NRXN1: variants seen among roughly 807,000 people sequenced by gnomAD.
NRXN1 encodes the protein neurexin 1.
In NRXN1, 39 loss-of-function variants were observed where a neutral mutation model predicts 150.9. The ratio of observed to expected loss-of-function variants is 0.26; its 90% CI spans 0.20 to 0.34. The LOEUF (loss-of-function observed/expected upper bound fraction) is 0.34. Among genes scored for constraint, NRXN1 ranks in the 10% least tolerant of loss-of-function variants. The pLI is 1.00. For missense variants in NRXN1, 1,815 were observed against 1,949.9 expected (o/e 0.93, Z 1.30); for synonymous variants, 924 against 757.0 (o/e 1.22, Z -3.62).
chr2:50,408,826 A>C (rs906835229), intron 17 of NRXN1, among the ~76,000 whole-genome samples: 1 of 117,406 alleles, frequency 8.5e-6, no homozygotes, highest in African/African-American at 2.8e-5. Flanking sequence ...GAGTTGGGTG[A>C]ATCAATCTCA....
intron 3 of NRXN1, among the ~76,000 whole-genome samples, chr2:50,923,066 T>C (rs1019585888): frequency 1.3e-5 from 2 of 151,870 alleles, no homozygotes; most frequent in Admixed American, 6.6e-5. Flanking sequence ...GTGATGAAAT[T>C]ACATTTTTTT....
In NRXN1 at chr2:50,365,096, C is replaced by G. The variant is rs920606622; in HGVS notation, c.3364+100346G>C. Among the ~76,000 whole-genome samples, 36 of 152,006 alleles carry G rather than the reference C, an allele frequency of 2.4e-4. 1 individual carries two copies. Among genetic ancestry groups the G allele is most frequent in the Admixed American group, 1.8e-3 (28 of 15,232 alleles). ...TTAGCTTAACAGGGAAGAATTTGAACTGATACATGAAGCTTTTTTTTTCTT... is the reference window on the plus strand; with the variant it reads ...TTAGCTTAACAGGGAAGAATTTGAAGTGATACATGAAGCTTTTTTTTTCTT... On this transcript the variant is annotated intron_variant, in intron 17 of 22. Transcript: ENST00000401669.
At chr2:50,535,564 A>G (rs2093234697) in intron 10 of NRXN1, among the ~76,000 whole-genome samples, 1 of 152,238 alleles carries the variant, frequency 6.6e-6, no homozygotes, top group African/African-American at 2.4e-5. Context: ...ATTCTTACAT[A>G]TAACAGAATA....
chr2:50,750,080 T>G (rs1338288494), intron 5 of NRXN1, among the ~76,000 whole-genome samples: 4 of 152,034 alleles, frequency 2.6e-5, no homozygotes, highest in African/African-American at 9.7e-5. Flanking sequence ...GACATTGGGA[T>G]GGGAGATCTT....
intron 18 of NRXN1, among the ~76,000 whole-genome samples, chr2:50,228,906 G>A (rs967097407): frequency 1.3e-5 from 2 of 151,966 alleles, no homozygotes. Context: ...TTTCCAGTTT[G>A]TTTTGAGGAG....
At chr2:50,539,478 A>G (rs977403899) in intron 9 of NRXN1, among the ~76,000 whole-genome samples, 9 of 152,198 alleles carry the variant, frequency 5.9e-5, no homozygotes, top group Admixed American at 5.9e-4. Context: ...GTATTCATCT[A>G]CATGGGATCA....
intron 5 of NRXN1, among the ~76,000 whole-genome samples, chr2:50,823,077 A>G (rs1669961618): frequency 6.6e-6 from 1 of 152,204 alleles, no homozygotes; most frequent in African/African-American, 2.4e-5. Context: ...AGACCTGGGC[A>G]CCATTACGAT....
intron 10 of NRXN1, among the ~76,000 whole-genome samples, 164 bp downstream of exon 10, chr2:50,538,089 A>C (rs893490206): frequency 2.0e-5 from 3 of 152,202 alleles, no homozygotes; most frequent in African/African-American, 7.2e-5. Context: ...GAAAAACATT[A>C]AGAGCTCATT....
intron 17 of NRXN1, among the ~76,000 whole-genome samples, chr2:50,308,889 TTGTG>T (rs1208912456): frequency 6.6e-6 from 1 of 152,170 alleles, no homozygotes; most frequent in African/African-American, 2.4e-5. Flanking sequence ...TATCCTAGTC[TTGTG>T]TTCCTCAGCT....
intron 5 of NRXN1, among the ~76,000 whole-genome samples, chr2:50,822,090 C>A (rs1054904618): frequency 6.6e-6 from 1 of 151,998 alleles, no homozygotes. Context: ...CTAATTACTA[C>A]CTATGATTTC....
chr2:50,438,030 T>G (rs1286029439), intron 17 of NRXN1, among the ~76,000 whole-genome samples: 1 of 152,146 alleles, frequency 6.6e-6, no homozygotes, highest in African/African-American at 2.4e-5. Flanking sequence ...TGTTCTAAGT[T>G]CTACAGCCAG....
intron 18 of NRXN1, among the ~76,000 whole-genome samples, chr2:50,133,247 G>A (rs1705824023): frequency 8.8e-6 from 1 of 113,886 alleles, no homozygotes; most frequent in African/African-American, 3.1e-5. Context: ...GAAAGTGGCT[G>A]AGGCAGAGTG....
intron 5 of NRXN1, among the ~76,000 whole-genome samples, chr2:50,656,742 T>A (rs1478390150): frequency 2.7e-5 from 4 of 150,492 alleles, no homozygotes; most frequent in African/African-American, 9.8e-5. Flanking sequence ...AGTAGCAGCT[T>A]ACAAAGAAAA....
chr2:50,541,941 A>G (rs1396183024), intron 9 of NRXN1, among the ~76,000 whole-genome samples: 1 of 152,212 alleles, frequency 6.6e-6, no homozygotes, highest in East Asian at 1.9e-4. Context: ...AGTTTCTCCC[A>G]TAGTTCCCTA....
intron 5 of NRXN1, among the ~76,000 whole-genome samples, chr2:50,861,876 C>T (rs969772870): frequency 1.3e-5 from 2 of 151,850 alleles, no homozygotes; most frequent in African/African-American, 4.8e-5. Context: ...TTTAGTCACT[C>T]GAACATGTTT....
intron 17 of NRXN1, among the ~76,000 whole-genome samples, chr2:50,431,022 T>G (rs1229148209): frequency 6.6e-6 from 1 of 152,188 alleles, no homozygotes; most frequent in East Asian, 1.9e-4. Flanking sequence ...AACCTCTCTC[T>G]ACTCTTCCAT....
At chr2:49,998,291 C>T (rs557869873) in intron 21 of NRXN1, among the ~76,000 whole-genome samples, 3 of 152,218 alleles carry the variant, frequency 2.0e-5, no homozygotes, top group East Asian at 1.9e-4. Context: ...CTATATGACC[C>T]GTGACTCCTG....
At chr2:50,428,135 G>A (rs1392147504) in intron 17 of NRXN1, among the ~76,000 whole-genome samples, 4 of 152,076 alleles carry the variant, frequency 2.6e-5, no homozygotes, top group Admixed American at 1.3e-4. Context: ...AAGGCAAGGC[G>A]AGGCTCTGTG....
At chr2:50,135,677 C>A (rs1447150325) in intron 18 of NRXN1, among the ~76,000 whole-genome samples, 2 of 151,662 alleles carry the variant, frequency 1.3e-5, no homozygotes, top group Admixed American at 1.3e-4. Context: ...GGCGACAGAG[C>A]AAGACTCCAT....
Sources: allele counts gnomAD v4.1 joint callset (sites outside exome capture counted in the v4.1 genomes callset), GRCh38; gene constraint gnomAD v4.1.1; transcripts MANE v1.5; gene names NCBI Gene and HGNC (gene_info 2026-07-23, HGNC 2026-07-21).